DGKB: variants seen among roughly 807,000 people sequenced by gnomAD.
DGKB encodes the protein diacylglycerol kinase beta.
In DGKB, 67 loss-of-function variants were observed where a neutral mutation model predicts 114.3. The ratio of observed to expected loss-of-function variants is 0.59; its 90% confidence interval spans 0.48 to 0.72. DGKB has a LOEUF of 0.72. Ranked by LOEUF, DGKB falls within the 30% of genes least tolerant of loss-of-function variation. DGKB has a pLI of 0.00. For missense variants in DGKB, 907 were observed against 975.2 expected, an observed-to-expected ratio of 0.93 and a Z score of 0.93; for synonymous variants, 398 against 323.1, an observed-to-expected ratio of 1.23 and a Z score of -2.49.
chr7:14,707,144 G>A lies in DGKB; in HGVS notation c.467-5414C>T, dbSNP rs1010404224. Among the ~76,000 whole-genome samples the A allele has an allele frequency of 3.2e-3, 414 of 129,514 alleles. 6 individuals carry two copies. The highest frequency in any genetic ancestry group is 6.0e-3 in the Admixed American group (76 of 12,716). 85.0% of individuals were successfully genotyped at this position (129,514 alleles called of 152,430 possible). On this transcript the variant is annotated intron_variant, in intron 6 of 25. Coordinates refer to ENST00000402815, the MANE Select transcript of DGKB (RefSeq NM_001350709.2). ...AAATGATAAAGGGGATATCACCACC[G>A]ATTCCACAGAAATACAAACTACCAT... is the stretch of plus-strand genomic sequence containing the variant.
intron 21 of DGKB, among the ~76,000 whole-genome samples, chr7:14,363,789 TCAG>T (rs963603695): frequency 2.8e-4 from 43 of 152,268 alleles, no homozygotes; most frequent in African/African-American, 1.0e-3. Flanking sequence ...CTCCAAAATA[TCAG>T]CAGAGGCAGT....
intron 2 of DGKB, among the ~76,000 whole-genome samples, chr7:14,840,229 T>A (rs937325304): frequency 2.0e-5 from 3 of 152,182 alleles, no homozygotes; most frequent in Admixed American, 1.3e-4. Context: ...TGTTTGGTTC[T>A]TTTTCTCCTT....
In DGKB at chr7:14,257,580, T is replaced by A. The variant is rs148864008; in HGVS notation, c.2123-79429A>T. ...CTGTTCTCGTGATAGTGAGTTCTCA[T>A]GAGATCTGATGGCTTCATACTGGGC... On this transcript the variant is annotated intron_variant, in intron 23 of 25. Coordinates refer to ENST00000402815, the MANE Select transcript of DGKB (RefSeq NM_001350709.2). 8.7e-3 allele frequency among the ~76,000 whole-genome samples: 1,327 copies of A among 152,238 alleles called. 21 individuals carry two copies. The highest frequency in any genetic ancestry group is 0.031 in the African/African-American group (1,275 of 41,548).
chr7:14,952,629 G>A (rs6461143), intron 1 of DGKB, among the ~76,000 whole-genome samples: 3,711 of 151,828 alleles, frequency 0.024, 139 homozygotes, highest in African/African-American at 0.084. Flanking sequence ...GGTGGCGCAC[G>A]TCTCTAATGC....
At chr7:14,366,680 C>G (rs1173593785) in intron 21 of DGKB, among the ~76,000 whole-genome samples, 3 of 152,024 alleles carry the variant, frequency 2.0e-5, no homozygotes, top group African/African-American at 4.8e-5. Flanking sequence ...CTCAATTCAA[C>G]ACATAAGATG....
intron 20 of DGKB, among the ~76,000 whole-genome samples, chr7:14,496,791 A>T (rs1048018521): frequency 6.6e-6 from 1 of 151,852 alleles, no homozygotes; most frequent in Non-Finnish European, 1.5e-5. Flanking sequence ...GCTGCTTCAG[A>T]TATTTATAAT....
intron 9 of DGKB, among the ~76,000 whole-genome samples, chr7:14,691,881 A>G (rs181742267): frequency 3.2e-4 from 49 of 151,388 alleles, no homozygotes; most frequent in African/African-American, 1.2e-3. Context: ...AAAACCTTAG[A>G]TTTCTCCTAT....
intron 13 of DGKB, among the ~76,000 whole-genome samples, chr7:14,645,734 C>G (rs946796896): frequency 3.3e-5 from 5 of 151,072 alleles, no homozygotes; most frequent in African/African-American, 1.2e-4. Flanking sequence ...GAATACAATA[C>G]CCAGCAAAGC....
At chr7:14,279,197 G>A (rs766965170) in intron 23 of DGKB, among the ~76,000 whole-genome samples, 2 of 151,764 alleles carry the variant, frequency 1.3e-5, no homozygotes, top group Non-Finnish European at 2.9e-5. Context: ...GGCGCACCAC[G>A]AGATTATATC....
chr7:14,421,579 G>A (rs1189318776), intron 21 of DGKB, among the ~76,000 whole-genome samples: 3 of 151,984 alleles, frequency 2.0e-5, no homozygotes, highest in African/African-American at 4.8e-5. Flanking sequence ...ATTGCCTCTA[G>A]AAGTTTTGAT....
At chr7:14,961,090 G>A (rs1786816185) in intron 1 of DGKB, among the ~76,000 whole-genome samples, 1 of 152,014 alleles carries the variant, frequency 6.6e-6, no homozygotes, top group Non-Finnish European at 1.5e-5. Context: ...TATTTAATGT[G>A]TATACAGGAG....
chr7:14,319,426 T>A (rs1025457983), intron 23 of DGKB, among the ~76,000 whole-genome samples: 50 of 152,140 alleles, frequency 3.3e-4, no homozygotes, highest in Admixed American at 3.3e-4. Flanking sequence ...GTTTTTTAAA[T>A]ATAGTTATTT....
chr7:14,593,391 G>A (rs1195871766), intron 17 of DGKB, among the ~76,000 whole-genome samples: 4 of 151,928 alleles, frequency 2.6e-5, no homozygotes, highest in Non-Finnish European at 5.9e-5. Flanking sequence ...CAGGTTCTAT[G>A]ATGTAGCCTA....
intron 2 of DGKB, among the ~76,000 whole-genome samples, chr7:14,793,013 C>CA (rs1031786173): frequency 6.6e-6 from 1 of 151,832 alleles, no homozygotes; most frequent in Non-Finnish European, 1.5e-5. Flanking sequence ...TATACACAGA[C>CA]AAAAAAAGTC....
At chr7:14,271,701 T>G (rs1486641034) in intron 23 of DGKB, among the ~76,000 whole-genome samples, 1 of 152,152 alleles carries the variant, frequency 6.6e-6, no homozygotes, top group African/African-American at 2.4e-5. Context: ...ACAAAAAAGG[T>G]ATTCTCAGCT....
At chr7:14,597,458 A>G (rs934701647) in intron 17 of DGKB, among the ~76,000 whole-genome samples, 2 of 152,168 alleles carry the variant, frequency 1.3e-5, no homozygotes, top group African/African-American at 4.8e-5. Flanking sequence ...TATCAATTTT[A>G]TCAAATGTAT....
At chr7:14,424,109 G>A (rs1827144391) in intron 21 of DGKB, among the ~76,000 whole-genome samples, 1 of 151,978 alleles carries the variant, frequency 6.6e-6, no homozygotes, top group Non-Finnish European at 1.5e-5. Flanking sequence ...CGTCTTCCAT[G>A]CAAAAACCAG....
At chr7:14,698,333 T>C (rs1459081223) in intron 7 of DGKB, among the ~76,000 whole-genome samples, 164 bp from the exon 8 acceptor site, 2 of 152,148 alleles carry the variant, frequency 1.3e-5, no homozygotes, top group African/African-American at 2.4e-5. Context: ...TAATTAACTA[T>C]ATAAAGAAAA....
chr7:14,792,257 T>C (rs1050445123), intron 2 of DGKB, among the ~76,000 whole-genome samples: 3 of 152,188 alleles, frequency 2.0e-5, no homozygotes, highest in African/African-American at 7.2e-5. Flanking sequence ...CAAAAGAATG[T>C]AATGAAAGTT....
Sources: allele counts gnomAD v4.1 joint callset (sites outside exome capture counted in the v4.1 genomes callset), GRCh38; gene constraint gnomAD v4.1.1; transcripts MANE v1.5; gene names NCBI Gene and HGNC (gene_info 2026-07-23, HGNC 2026-07-21).